COL5A1: variants seen among roughly 807,000 people sequenced by gnomAD.
COL5A1 encodes collagen type V alpha 1 chain, also known as collagen alpha-1(V) chain.
A neutral mutation model predicts 263.7 loss-of-function variants in COL5A1; 16 were observed. The observed-to-expected ratio is 0.06, with a 90% CI of 0.04 to 0.09. The LOEUF (loss-of-function observed/expected upper bound fraction) is 0.09, where lower values mean the gene tolerates loss of function less well. Among genes scored for constraint, COL5A1 ranks in the 10% least tolerant of loss-of-function variants. The pLI, the probability that COL5A1 is intolerant of heterozygous loss-of-function variation, is 1.00. For missense variants in COL5A1, 2,036 were observed against 2,540.5 expected (o/e 0.80, Z 4.27); for synonymous variants, 1,012 against 1,004.5 (o/e 1.01, Z -0.14).
At chr9:134,807,918 GCT>G (rs1483080840) in intron 42 of COL5A1, among the ~76,000 whole-genome samples, 2 of 152,086 alleles carry the variant, frequency 1.3e-5, no homozygotes, top group Non-Finnish European at 2.9e-5. Flanking sequence ...TGCAAGAGTT[GCT>G]CTATCCAGGC....
chr9:134,660,928 G>C (rs1832183223), intron 1 of COL5A1, among the ~76,000 whole-genome samples: 1 of 152,160 alleles, frequency 6.6e-6, no homozygotes, highest in African/African-American at 2.4e-5. Context: ...AGAGGGTGCT[G>C]ACCAGCCCAG....
rs991837833 is a variant in COL5A1 at position 134,758,808 on chromosome 9, C to T, written c.1935+512C>T. ...CGTGGATGAATTTGAAAGTGTGTCCCGTGAGTCCCGAGCTAGTGCGGTGAC... is the reference window on the plus strand; with the variant it reads ...CGTGGATGAATTTGAAAGTGTGTCCTGTGAGTCCCGAGCTAGTGCGGTGAC... On this transcript the variant is annotated intron_variant, in intron 18 of 65. Coordinates refer to ENST00000371817, the MANE Select transcript of COL5A1 (RefSeq NM_000093.5). This position sits in a 1 kb window ranked among gnomAD's most constrained non-coding sequence, Gnocchi z 4.1. 6.6e-5 allele frequency among the ~76,000 whole-genome samples: 10 copies of T among 152,270 alleles called. No homozygotes were observed. The highest frequency in any genetic ancestry group is 2.0e-4 in the Admixed American group (3 of 15,302).
At chr9:134,760,060 CCA>C (rs1462353711) in intron 18 of COL5A1, among the ~76,000 whole-genome samples, 47 of 106,558 alleles carry the variant, frequency 4.4e-4, no homozygotes, top group Non-Finnish European at 7.2e-4. Context: ...CCACACACCC[CCA>C]CACTCATACA....
At chr9:134,656,973 A>G (rs1374313593) in intron 1 of COL5A1, among the ~76,000 whole-genome samples, 2 of 6,986 alleles carry the variant, frequency 2.9e-4, no homozygotes, top group African/African-American at 7.3e-4. Flanking sequence ...GTTTATAGAT[A>G]ATATGGGGGA....
intron 20 of COL5A1, 81 bp downstream of exon 20, chr9:134,763,818 T>C: frequency 7.2e-7 from 1 of 1,392,828 alleles, no homozygotes; most frequent in Non-Finnish European, 1.0e-6. Context: ...GAGCAGGATC[T>C]GGGATCAGCC....
At position 134,821,212 on chromosome 9, in the gene COL5A1, C is replaced by T. The variant is rs77481061; in HGVS notation, c.4555-885C>T. Among the ~76,000 whole-genome samples, 321 of 151,984 alleles carry T rather than the reference C, an allele frequency of 2.1e-3. 2 individuals are homozygous for T. The highest frequency in any genetic ancestry group is 7.5e-3 in the African/African-American group (312 of 41,488). ...ATTAGAGAGGCATCCAGGGTCCCCACGGCCAGCGGGGAAAGCACCCCTGTG... is the reference window on the plus strand; with the variant it reads ...ATTAGAGAGGCATCCAGGGTCCCCATGGCCAGCGGGGAAAGCACCCCTGTG... On this transcript the variant is annotated intron_variant, in intron 58 of 65. Coordinates refer to ENST00000371817, the MANE Select transcript of COL5A1 (RefSeq NM_000093.5). This position sits in a 1 kb window ranked among gnomAD's most constrained non-coding sequence, Gnocchi z 4.2.
chr9:134,784,519 G>A lies in COL5A1; in HGVS notation c.2485-470G>A, dbSNP rs532899890. ...CTGGGACGCCTCCTGAGGCCCTCCC[G>A]TGTGCTCGTTATGCCCAGGTAACTG... On this transcript the variant is annotated intron_variant, in intron 29 of 65. Coordinates refer to ENST00000371817, the MANE Select transcript of COL5A1 (RefSeq NM_000093.5). 4.5e-4 allele frequency among the ~76,000 whole-genome samples: 68 copies of A among 152,352 alleles called. No homozygotes were observed. The Middle Eastern group carries it at 0.017, about 38-fold the overall frequency.
chr9:134,836,933 T>C (rs1839872277), intron 65 of COL5A1, among the ~76,000 whole-genome samples: 1 of 152,246 alleles, frequency 6.6e-6, no homozygotes, highest in Non-Finnish European at 1.5e-5. Context: ...AACTCATCCC[T>C]GTGTAAGGTT....
At chr9:134,837,268 A>T (rs1475095483) in intron 65 of COL5A1, among the ~76,000 whole-genome samples, 2 of 152,160 alleles carry the variant, frequency 1.3e-5, no homozygotes, top group Non-Finnish European at 2.9e-5. Context: ...CTTCCATGGC[A>T]AAAAGGGAAA....
intron 4 of COL5A1, among the ~76,000 whole-genome samples, chr9:134,711,402 C>T (rs1365693672): frequency 1.3e-5 from 2 of 152,112 alleles, no homozygotes; most frequent in East Asian, 3.9e-4. Context: ...TCCCAGAGCA[C>T]ATGGAAAATC....
chr9:134,707,539 TCC>T (rs1833880782), intron 4 of COL5A1, among the ~76,000 whole-genome samples: 1 of 29,660 alleles, frequency 3.4e-5, no homozygotes, highest in Non-Finnish European at 6.0e-5. Flanking sequence ...ACCCTGGGAT[TCC>T]TGTGAGTGGG....
chr9:134,824,576 C>T lies in COL5A1; in HGVS notation c.4699-24C>T, dbSNP rs45443491. On this transcript the variant is annotated intron_variant, in intron 61 of 65. Coordinates refer to ENST00000371817, the MANE Select transcript of COL5A1 (RefSeq NM_000093.5). Reference sequence around the variant, plus strand: ...ACCCTTCCCATCCTCCATCACCCACCGCTGCTCCTGTTCTGTCCCCCAGGG... The same window carrying T: ...ACCCTTCCCATCCTCCATCACCCACTGCTGCTCCTGTTCTGTCCCCCAGGG... 0.064 allele frequency: 103,206 copies of T among 1,612,940 alleles called. 3,919 individuals carry two copies. The highest frequency in any genetic ancestry group is 0.077 in the Non-Finnish European group (90,581 of 1,179,620).
Position 134,779,989 on chromosome 9 carries a change from T to C in COL5A1, c.2386-113T>C, listed in dbSNP as rs1837191404. 4.2e-6 allele frequency: 5 copies of C among 1,186,528 alleles called. No individual in the cohort carries two copies. In the South Asian group the frequency reaches 4.8e-5, roughly 11 times the overall value. The allele number at this position is 1,186,528 out of a possible 1,614,324, so 73.5% of individuals were successfully genotyped here. A position where few individuals can be genotyped will look rare whatever the true frequency, so the allele number is the denominator to read the frequency against. ...AGGAAGTGTGTTGAGGGCAGGGCGC[T>C]GGCCTCATCTGTCAGCTTCAGCGAG... is the stretch of plus-strand genomic sequence containing the variant. On this transcript the variant is annotated intron_variant, in intron 27 of 65. Transcript: ENST00000371817.
chr9:134,788,726 T>C (rs1837562916), intron 31 of COL5A1, among the ~76,000 whole-genome samples: 1 of 148,588 alleles, frequency 6.7e-6, no homozygotes, highest in Non-Finnish European at 1.5e-5. Flanking sequence ...AATGGGTAGG[T>C]GGGCAGATGG....
intron 11 of COL5A1, among the ~76,000 whole-genome samples, chr9:134,739,063 G>A (rs948089192): frequency 2.6e-5 from 4 of 152,244 alleles, no homozygotes; most frequent in Non-Finnish European, 4.4e-5. Flanking sequence ...GGTGGCCTCA[G>A]GACCCTGCAG....
At chr9:134,781,269 G>A (rs1588541173) in intron 28 of COL5A1, among the ~76,000 whole-genome samples, 2 of 152,264 alleles carry the variant, frequency 1.3e-5, no homozygotes, top group African/African-American at 4.8e-5. Flanking sequence ...TGGGAGGACC[G>A]GCCAGGAGGC....
chr9:134,727,481 C>A, intron 5 of COL5A1, 84 bp downstream of exon 5: 1 of 1,490,858 alleles, frequency 6.7e-7, no homozygotes, highest in East Asian at 2.3e-5. Flanking sequence ...GCCATGGGAC[C>A]CTTATTTTAA....
intron 23 of COL5A1, 111 bp from the exon 24 acceptor site, chr9:134,767,199 G>T: frequency 6.9e-7 from 1 of 1,439,192 alleles, no homozygotes; most frequent in Admixed American, 1.7e-5. Flanking sequence ...TAGGACCTGG[G>T]TTGGTGCCTG....
At chr9:134,802,174 C>T (rs190378557) in intron 38 of COL5A1, among the ~76,000 whole-genome samples, 167 bp downstream of exon 38, 1 of 152,216 alleles carries the variant, frequency 6.6e-6, no homozygotes, top group East Asian at 1.9e-4. Flanking sequence ...TCGCCCCACG[C>T]AGGAGCAAGC....
Sources: gnomAD v4.1 joint callset for allele counts (sites outside exome capture counted in the v4.1 genomes callset) on GRCh38, gnomAD v4.1.1 for gene constraint, Gnocchi (gnomAD v3.1) non-coding constraint, MANE v1.5 for transcripts, NCBI Gene and HGNC (gene_info 2026-07-23, HGNC 2026-07-21) for gene names.